PATL2: variants seen among roughly 807,000 people sequenced by gnomAD.
PATL2 encodes the protein protein PAT1 homolog 2.
In PATL2, 73 loss-of-function variants were observed where a neutral mutation model predicts 77.0. That is an observed-to-expected ratio of 0.95 (90% CI 0.78 to 1.15). PATL2 has a LOEUF of 1.15. PATL2 is among the 50% of genes most tolerant of loss of function. PATL2 has a pLI of 0.00. For missense variants in PATL2, 618 were observed against 655.4 expected (o/e 0.94, Z 0.62); for synonymous variants, 265 against 257.1 (o/e 1.03, Z -0.29).
At chr15:44,698,979 A>G (rs370621451) in intron 3 of PATL2, among the ~76,000 whole-genome samples, 1 of 152,104 alleles carries the variant, frequency 6.6e-6, no homozygotes, top group African/African-American at 2.4e-5. Context: ...TTTGATTTGC[A>G]TTTGTCTGAT....
intron 3 of PATL2, among the ~76,000 whole-genome samples, chr15:44,681,678 G>A (rs374234552): frequency 6.6e-6 from 1 of 152,072 alleles, no homozygotes; most frequent in South Asian, 2.1e-4. Flanking sequence ...ATCCTCAAAG[G>A]GATCAAGGAT....
At chr15:44,668,948 A>G in intron 14 of PATL2, 32 bp downstream of exon 14, 15 of 1,499,010 alleles carry the variant, frequency 1.0e-5, no homozygotes, top group Non-Finnish European at 1.3e-5. Context: ...TATTCAGGAG[A>G]CCATCCTCTT....
chr15:44,670,322 T>G (rs184731792), intron 9 of PATL2, among the ~76,000 whole-genome samples: 140 of 152,260 alleles, frequency 9.2e-4, no homozygotes, highest in Non-Finnish European at 1.2e-3. Context: ...GCCTCCTCAG[T>G]AGCTGGGGCC....
At chr15:44,693,887 G>T (rs942093331) in intron 3 of PATL2, among the ~76,000 whole-genome samples, 6 of 151,788 alleles carry the variant, frequency 4.0e-5, no homozygotes, top group Non-Finnish European at 8.8e-5. Flanking sequence ...ATTTTTAGTA[G>T]AGACAGGGTT....
intron 3 of PATL2, among the ~76,000 whole-genome samples, chr15:44,690,340 A>AAT (rs398118800): frequency 5.6e-5 from 8 of 141,704 alleles, no homozygotes; most frequent in Admixed American, 2.1e-4. Flanking sequence ...AAGTCAAAAT[A>AAT]TTTTTTTTTT....
Position 44,696,020 on chromosome 15 carries a change from G to A in PATL2, c.-76+14076C>T, listed in dbSNP as rs560014271. ...AAGTGTCAGCTCCACAAGCTGGAAA[G>A]TGGGAAGCTATGGCTGAGAAGCATT... is the stretch of plus-strand genomic sequence containing the variant. On this transcript the variant is annotated intron_variant, in intron 3 of 17. Coordinates refer to ENST00000682850, the MANE Select transcript of PATL2 (RefSeq NM_001387263.1). Among the ~76,000 whole-genome samples the A allele has an allele frequency of 2.0e-5, 3 of 152,360 alleles. No homozygotes were observed. In the East Asian group the frequency reaches 5.8e-4, roughly 29 times the overall value.
intron 3 of PATL2, among the ~76,000 whole-genome samples, chr15:44,682,140 CA>C (rs1167674013): frequency 6.6e-6 from 1 of 152,148 alleles, no homozygotes. Flanking sequence ...TGCATTATGT[CA>C]TATAAGCAAC....
rs1050826174 is a variant in PATL2, at chr15:44,683,310, C to G, written c.-75-6745G>C. Among the ~76,000 whole-genome samples, 5 of 152,320 alleles carry G rather than the reference C, an allele frequency of 3.3e-5. No homozygotes were observed. The East Asian group carries it at 9.6e-4, about 29-fold the overall frequency. On this transcript the variant is annotated intron_variant, in intron 3 of 17. Coordinates refer to ENST00000682850, the MANE Select transcript of PATL2 (RefSeq NM_001387263.1). Reference sequence around the variant, plus strand: ...GGTCTAGCTCAGTGGATCCCACCCCCACAGAGCCCAGCAAGCTGAGATGCA... The same window carrying G: ...GGTCTAGCTCAGTGGATCCCACCCCGACAGAGCCCAGCAAGCTGAGATGCA...
At chr15:44,686,308 A>G (rs1199597535) in intron 3 of PATL2, among the ~76,000 whole-genome samples, 1 of 152,212 alleles carries the variant, frequency 6.6e-6, no homozygotes, top group Admixed American at 6.5e-5. Flanking sequence ...CTGAATGACT[A>G]CTGGGTAAAT....
chr15:44,708,051 C>A (rs2086776901), intron 3 of PATL2, among the ~76,000 whole-genome samples: 1 of 152,226 alleles, frequency 6.6e-6, no homozygotes, highest in Non-Finnish European at 1.5e-5. Flanking sequence ...TCACTGCACT[C>A]TTCCTCTCCC....
chr15:44,674,331 G>A, intron 5 of PATL2, 101 bp from the exon 6 acceptor site: 1 of 909,990 alleles, frequency 1.1e-6, no homozygotes, highest in Non-Finnish European at 1.7e-6. Context: ...AGCAAGACCA[G>A]GTGTTCCAAC....
At chr15:44,674,431 T>C in intron 5 of PATL2, 1 of 566,718 alleles carries the variant, frequency 1.8e-6, no homozygotes, top group Non-Finnish European at 3.1e-6. Context: ...ATAAGACTAG[T>C]GCAGTGGTCC....
intron 3 of PATL2, among the ~76,000 whole-genome samples, chr15:44,707,037 C>T (rs939951903): frequency 5.9e-5 from 9 of 152,100 alleles, no homozygotes; most frequent in African/African-American, 2.2e-4. Flanking sequence ...CCACTTCCAC[C>T]CCAGGCCTGT....
chr15:44,670,064 C>T lies in PATL2; in HGVS notation c.681G>A (p.Lys227=). 1 of 1,551,628 alleles carries T rather than the reference C, an allele frequency of 6.4e-7. No homozygotes were observed. Among genetic ancestry groups the T allele is most frequent in the Non-Finnish European group, 8.7e-7 (1 of 1,146,980 alleles). ...CAAGTAGCTCTTCGTCTGCCTGCTT[C>T]TTCTCTAGCTTCTGGTAATATTCCT... The part of the protein sequence containing the change: ...YYQEYYQKLE[K]KQADEELLGR... Residue 227 remains lysine (K), a synonymous_variant, in exon 10 of 18, where the codon AAG becomes AAA. Transcript: ENST00000682850.
intron 3 of PATL2, among the ~76,000 whole-genome samples, chr15:44,706,191 G>A (rs1187032254): frequency 6.6e-6 from 1 of 152,158 alleles, no homozygotes; most frequent in East Asian, 1.9e-4. Context: ...ATGAGGTCAT[G>A]TTTTCCTGGC....
intron 5 of PATL2, 63 bp from the exon 6 acceptor site, chr15:44,674,293 C>T (rs2085841342): frequency 8.5e-6 from 11 of 1,291,228 alleles, no homozygotes; most frequent in African/African-American, 1.5e-5. Context: ...CTGCATTCAC[C>T]TGTGTTTTTG....
chr15:44,693,791 C>T (rs750315740), intron 3 of PATL2, among the ~76,000 whole-genome samples: 5 of 151,650 alleles, frequency 3.3e-5, no homozygotes, highest in African/African-American at 7.3e-5. Context: ...TCACTTCAAT[C>T]GCACTTCAAG....
intron 3 of PATL2, among the ~76,000 whole-genome samples, chr15:44,689,212 A>G (rs545605482): frequency 6.6e-6 from 1 of 152,356 alleles, no homozygotes; most frequent in Non-Finnish European, 1.5e-5. Flanking sequence ...TCAGGAAACA[A>G]CAGATGCTGG....
intron 17 of PATL2, among the ~76,000 whole-genome samples, 183 bp downstream of exon 17, chr15:44,666,209 T>A (rs1566845149): frequency 6.6e-6 from 1 of 152,198 alleles, no homozygotes; most frequent in African/African-American, 2.4e-5. Context: ...GCACCTGGAA[T>A]AAAAGGTTGG....
Sources: gnomAD v4.1 joint callset for allele counts (sites outside exome capture counted in the v4.1 genomes callset) on GRCh38, gnomAD v4.1.1 for gene constraint, MANE v1.5 for transcripts, NCBI Gene and HGNC (gene_info 2026-07-23, HGNC 2026-07-21) for gene names.